Variants in GRM7 observed in about 807,000 individuals in gnomAD.
The protein encoded by GRM7 is metabotropic glutamate receptor 7.
Under a neutral mutation model 84.5 loss-of-function variants are expected in GRM7, and 35 were observed. The observed-to-expected ratio is 0.41, with a 90% CI of 0.32 to 0.55. The LOEUF (loss-of-function observed/expected upper bound fraction) is 0.55, where lower values mean the gene tolerates loss of function less well. GRM7 is among the 20% of genes least tolerant of loss of function. The pLI, the probability that GRM7 is intolerant of heterozygous loss-of-function variation, is 0.19. For synonymous variants in GRM7, 487 were observed against 455.1 expected (o/e 1.07, Z -0.89); for missense variants, 1,003 against 1,194.6 (o/e 0.84, Z 2.36).
intron 4 of GRM7, among the ~76,000 whole-genome samples, chr3:7,316,584 T>A (rs1700589915): frequency 6.6e-6 from 1 of 152,164 alleles, no homozygotes; most frequent in Admixed American, 6.5e-5. Flanking sequence ...TAAGAATGAC[T>A]GCAAGGTTTT....
chr3:6,863,063 C>T lies in GRM7; in HGVS notation c.519+1156C>T. On this transcript the variant is annotated intron_variant, in intron 1 of 9. Coordinates refer to ENST00000357716, the MANE Select transcript of GRM7 (RefSeq NM_000844.4). This position sits in a 1 kb window ranked among gnomAD's most constrained non-coding sequence, Gnocchi z 4.8. Reference sequence around the variant, plus strand: ...TTCAGGGTCTCTGTGATTGTAGGTTCCCTCCTCTGTGTCTTTCCCTATATG... The same window carrying T: ...TTCAGGGTCTCTGTGATTGTAGGTTTCCTCCTCTGTGTCTTTCCCTATATG... 2.2e-6 allele frequency: 1 copy of T among 452,340 alleles called. No homozygotes were observed. The highest frequency in any genetic ancestry group is 4.4e-6 in the Non-Finnish European group (1 of 225,218). The allele number at this position is 452,340 out of a possible 1,614,324, so 28.0% of individuals were successfully genotyped here.
chr3:7,079,370 G>C (rs1299145733), intron 1 of GRM7, among the ~76,000 whole-genome samples: 1 of 152,104 alleles, frequency 6.6e-6, no homozygotes, highest in African/African-American at 2.4e-5. Flanking sequence ...AAAGGTCACT[G>C]TGCTCTTTAG....
intron 4 of GRM7, among the ~76,000 whole-genome samples, chr3:7,367,197 T>C (rs1293470001): frequency 6.7e-6 from 1 of 149,628 alleles, no homozygotes; most frequent in African/African-American, 2.5e-5. Flanking sequence ...TAAAATTTTG[T>C]TAGAGAAGGA....
At chr3:7,658,415 T>G (rs1318651884) in intron 8 of GRM7, among the ~76,000 whole-genome samples, 1 of 152,206 alleles carries the variant, frequency 6.6e-6, no homozygotes. Flanking sequence ...TTTGGTAGCC[T>G]TTCGCCTAGA....
rs1261124179 is a variant in GRM7, at chr3:7,381,456, G to C, written c.1034-33567G>C. 2.6e-5 allele frequency among the ~76,000 whole-genome samples: 4 copies of C among 152,134 alleles called. No individual in the cohort carries two copies. In the East Asian group the frequency reaches 7.7e-4, roughly 29 times the overall value. ...AAACTCATCAAGGTCTCTATTCTTGGGGTTTATGGATCATTGGGGAGGCAA... is the reference window on the plus strand; with the variant it reads ...AAACTCATCAAGGTCTCTATTCTTGCGGTTTATGGATCATTGGGGAGGCAA... On this transcript the variant is annotated intron_variant, in intron 4 of 9. Coordinates refer to ENST00000357716, the MANE Select transcript of GRM7 (RefSeq NM_000844.4).
At chr3:6,914,840 A>G (rs1271602998) in intron 1 of GRM7, among the ~76,000 whole-genome samples, 2 of 152,200 alleles carry the variant, frequency 1.3e-5, no homozygotes, top group Non-Finnish European at 2.9e-5. Flanking sequence ...TCAAAATTTT[A>G]GAGAGCAAAG....
At chr3:7,535,709 C>G (rs189555995) in intron 7 of GRM7, among the ~76,000 whole-genome samples, 48 of 152,322 alleles carry the variant, frequency 3.2e-4, no homozygotes, top group Non-Finnish European at 5.7e-4. Flanking sequence ...ATTAATATTG[C>G]TCTAACCATA....
At chr3:7,190,008 A>G (rs563828776) in intron 2 of GRM7, among the ~76,000 whole-genome samples, 2 of 152,236 alleles carry the variant, frequency 1.3e-5, no homozygotes, top group East Asian at 3.9e-4. Flanking sequence ...ATACATACAT[A>G]CATATTCCAC....
intron 4 of GRM7, among the ~76,000 whole-genome samples, chr3:7,380,344 C>T (rs555437633): frequency 7.0e-5 from 8 of 113,512 alleles, no homozygotes; most frequent in East Asian, 5.3e-4. Context: ...TTATCCTCTG[C>T]GCATCATATT....
chr3:7,537,100 G>C (rs1383445850), intron 7 of GRM7, among the ~76,000 whole-genome samples: 1 of 152,152 alleles, frequency 6.6e-6, no homozygotes, highest in Non-Finnish European at 1.5e-5. Context: ...CTTCAGAGCT[G>C]CAGGTGATGT....
At chr3:7,649,327 C>CCAAAGTGCTGGGATTACAG (rs1485034475) in intron 8 of GRM7, among the ~76,000 whole-genome samples, 1 of 152,070 alleles carries the variant, frequency 6.6e-6, no homozygotes, top group South Asian at 2.1e-4. Flanking sequence ...CCTCGGCCTC[C>CCAAAGTGCTGGGATTACAG]CAAAGTGCTG....
rs141657542 is a variant in GRM7 at position 7,297,322 on chromosome 3, T to G, written c.737-1362T>G. Reference sequence around the variant, plus strand: ...GATATTTTTATCTTTCTGTCATTGATTTCTACTTTGATTCTGTTATACTGA... The same window carrying G: ...GATATTTTTATCTTTCTGTCATTGAGTTCTACTTTGATTCTGTTATACTGA... On this transcript the variant is annotated intron_variant, in intron 2 of 9. Coordinates refer to ENST00000357716, the MANE Select transcript of GRM7 (RefSeq NM_000844.4). Among the ~76,000 whole-genome samples the G allele has an allele frequency of 1.2e-3, 176 of 152,322 alleles. 1 individual carries two copies. The highest frequency in any genetic ancestry group is 3.9e-3 in the African/African-American group (161 of 41,580).
intron 6 of GRM7, among the ~76,000 whole-genome samples, chr3:7,460,739 T>G (rs377520452): frequency 8.7e-4 from 133 of 152,352 alleles, no homozygotes; most frequent in African/African-American, 3.0e-3. Context: ...AACTCATGTC[T>G]TGCATTATTT....
intron 1 of GRM7, among the ~76,000 whole-genome samples, chr3:7,049,824 CCAAA>C (rs1168625486): frequency 6.6e-6 from 1 of 151,662 alleles, no homozygotes; most frequent in Non-Finnish European, 1.5e-5. Context: ...TGGAGATTAC[CCAAA>C]CAAAGTAAAC....
intron 1 of GRM7, among the ~76,000 whole-genome samples, chr3:6,874,941 TAC>T (rs752686901): frequency 3.3e-5 from 5 of 152,196 alleles, no homozygotes; most frequent in Non-Finnish European, 5.9e-5. Flanking sequence ...TTAGTATTCT[TAC>T]ATTCTACACA....
chr3:7,387,525 G>A (rs1316693346), intron 4 of GRM7, among the ~76,000 whole-genome samples: 1 of 152,100 alleles, frequency 6.6e-6, no homozygotes, highest in Non-Finnish European at 1.5e-5. Flanking sequence ...ACTTTCCCTT[G>A]TACCATTAAT....
chr3:7,564,658 T>TA (rs1420443200), intron 7 of GRM7, among the ~76,000 whole-genome samples: 1 of 152,182 alleles, frequency 6.6e-6, no homozygotes, highest in Non-Finnish European at 1.5e-5. Flanking sequence ...TATATATATA[T>TA]TTTTAAATTA....
chr3:7,094,459 C>T (rs1430442196), intron 1 of GRM7, among the ~76,000 whole-genome samples: 2 of 152,022 alleles, frequency 1.3e-5, no homozygotes, highest in Non-Finnish European at 2.9e-5. Context: ...TAGTTTGCAC[C>T]CAGAAAGCTA....
At chr3:6,899,471 G>A (rs184176904) in intron 1 of GRM7, among the ~76,000 whole-genome samples, 21 of 152,304 alleles carry the variant, frequency 1.4e-4, no homozygotes, top group Admixed American at 1.2e-3. Flanking sequence ...TAGTATTAGT[G>A]TGATGTCTTT....
Sources: gnomAD v4.1 joint callset for allele counts (sites outside exome capture counted in the v4.1 genomes callset) on GRCh38, gnomAD v4.1.1 for gene constraint, Gnocchi (gnomAD v3.1) non-coding constraint, MANE v1.5 for transcripts, NCBI Gene and HGNC (gene_info 2026-07-23, HGNC 2026-07-21) for gene names.